Variants in CAMTA1 observed in about 807,000 individuals in gnomAD.
The protein encoded by CAMTA1 is calmodulin binding transcription activator 1, also known as calmodulin-binding transcription activator 1.
In CAMTA1, 27 loss-of-function variants were observed where a neutral mutation model predicts 170.9. The observed-to-expected ratio is 0.16, with a 90% confidence interval of 0.12 to 0.22. The LOEUF (loss-of-function observed/expected upper bound fraction) is 0.22, where lower values mean the gene tolerates loss of function less well. Among genes scored for constraint, CAMTA1 ranks in the 10% least tolerant of loss-of-function variants. The probability of loss-of-function intolerance (pLI) is 1.00; values close to 1 mark genes in which losing one functional copy is unlikely to be tolerated. For synonymous variants in CAMTA1, 833 were observed against 891.5 expected (o/e 0.93, Z 1.17); for missense variants, 1,619 against 2,217.2 (o/e 0.73, Z 5.42).
intron 3 of CAMTA1, among the ~76,000 whole-genome samples, chr1:7,053,641 C>T (rs1261123503): frequency 2.0e-5 from 3 of 152,222 alleles, no homozygotes; most frequent in Non-Finnish European, 4.4e-5. Context: ...TCCCTCACTC[C>T]ACTCTGGGGA....
chr1:7,221,583 G>A (rs574816835), intron 4 of CAMTA1, among the ~76,000 whole-genome samples: 36 of 152,216 alleles, frequency 2.4e-4, no homozygotes, highest in Non-Finnish European at 4.0e-4. Context: ...ACCAGTGAAT[G>A]CGTCGTGAAA....
intron 3 of CAMTA1, among the ~76,000 whole-genome samples, chr1:6,947,070 A>G (rs940243357): frequency 2.6e-5 from 4 of 152,106 alleles, no homozygotes; most frequent in South Asian, 2.1e-4. Flanking sequence ...AAAAGACTCT[A>G]TTTTCCCCCA....
intron 3 of CAMTA1, among the ~76,000 whole-genome samples, chr1:6,992,679 C>T (rs1334959109): frequency 1.3e-5 from 2 of 152,182 alleles, no homozygotes; most frequent in South Asian, 2.1e-4. Flanking sequence ...CTTACATGGC[C>T]AGAGCAGGAG....
intron 3 of CAMTA1, among the ~76,000 whole-genome samples, chr1:6,897,202 G>A (rs1675832224): frequency 6.6e-6 from 1 of 152,196 alleles, no homozygotes; most frequent in African/African-American, 2.4e-5. Flanking sequence ...GCAGAGTCAG[G>A]AAAGGGCCTG....
chr1:7,465,371 T>C (rs1353662492), intron 5 of CAMTA1, among the ~76,000 whole-genome samples: 2 of 152,148 alleles, frequency 1.3e-5, no homozygotes, highest in African/African-American at 4.8e-5. Flanking sequence ...GCTCTTTGTG[T>C]AGCTTTTTTC....
chr1:7,022,859 T>G (rs554707688), intron 3 of CAMTA1, among the ~76,000 whole-genome samples: 1 of 152,292 alleles, frequency 6.6e-6, no homozygotes, highest in South Asian at 2.1e-4. Context: ...TTAGTTATAA[T>G]AGCAACAAAA....
chr1:6,855,471 A>G (rs1237973977), intron 3 of CAMTA1, among the ~76,000 whole-genome samples: 2 of 151,682 alleles, frequency 1.3e-5, no homozygotes, highest in African/African-American at 4.8e-5. Context: ...AGCAAGAGAG[A>G]GAGAGAGGAG....
chr1:7,440,573 G>A (rs941677159), intron 5 of CAMTA1, among the ~76,000 whole-genome samples: 6 of 152,126 alleles, frequency 3.9e-5, no homozygotes, highest in Admixed American at 2.6e-4. Flanking sequence ...AGCATGAGAC[G>A]CACTCCTTTT....
At chr1:7,029,179 T>C (rs1323585374) in intron 3 of CAMTA1, among the ~76,000 whole-genome samples, 4 of 152,170 alleles carry the variant, frequency 2.6e-5, no homozygotes, top group Non-Finnish European at 5.9e-5. Flanking sequence ...TCATTGCTCT[T>C]ATGAGCACCA....
chr1:7,181,529 T>C (rs974646473), intron 4 of CAMTA1, among the ~76,000 whole-genome samples: 3 of 152,160 alleles, frequency 2.0e-5, no homozygotes, highest in African/African-American at 4.8e-5. Context: ...ATAAAATCAT[T>C]ATGGTAGCAG....
rs1351008818 is a variant in CAMTA1 at position 7,325,400 on chromosome 1, G to GT, written c.438+75774_438+75775insT. The stretch of plus-strand genomic sequence containing the variant: ...GGAAGAAGCCATGTCTGCCTGGGAG[G>GT]GGAAACACTGAGGTGGAGGGACAGC... On this transcript the variant is annotated intron_variant, in intron 5 of 22. Transcript: ENST00000303635. This position sits in a 1 kb window ranked among gnomAD's most constrained non-coding sequence, Gnocchi z 5.0. Among the ~76,000 whole-genome samples the GT allele has an allele frequency of 6.6e-6, 1 of 152,156 alleles. No individual in the cohort carries two copies. Among genetic ancestry groups the GT allele is most frequent in the East Asian group, 1.9e-4 (1 of 5,192 alleles).
At chr1:7,720,420 C>T (rs2096641956) in intron 11 of CAMTA1, among the ~76,000 whole-genome samples, 1 of 152,040 alleles carries the variant, frequency 6.6e-6, no homozygotes, top group African/African-American at 2.4e-5. Context: ...CTCACTTTGT[C>T]GCCCAGGCTG....
intron 11 of CAMTA1, among the ~76,000 whole-genome samples, chr1:7,705,938 C>T (rs1437544884): frequency 6.6e-6 from 1 of 152,090 alleles, no homozygotes; most frequent in Non-Finnish European, 1.5e-5. Flanking sequence ...TTTGCATTTT[C>T]GGAGCTCTGG....
At chr1:7,085,647 G>A (rs907135103) in intron 3 of CAMTA1, among the ~76,000 whole-genome samples, 1 of 152,284 alleles carries the variant, frequency 6.6e-6, no homozygotes, top group Non-Finnish European at 1.5e-5. Flanking sequence ...GACAGGTTAT[G>A]TGGGCAGAGC....
chr1:7,320,934 G>A (rs978312741), intron 5 of CAMTA1, among the ~76,000 whole-genome samples: 1 of 152,142 alleles, frequency 6.6e-6, no homozygotes, highest in Middle Eastern at 3.4e-3. Context: ...TGACACCTGG[G>A]GTCTCTGAGT....
intron 3 of CAMTA1, among the ~76,000 whole-genome samples, chr1:6,935,658 G>A (rs1685179889): frequency 6.6e-6 from 1 of 152,220 alleles, no homozygotes; most frequent in Non-Finnish European, 1.5e-5. Context: ...TCAGCTCTGG[G>A]ATTTGGCTTT....
chr1:7,338,338 C>T (rs996869933), intron 5 of CAMTA1, among the ~76,000 whole-genome samples: 1 of 152,174 alleles, frequency 6.6e-6, no homozygotes, highest in African/African-American at 2.4e-5. Flanking sequence ...GAAGGCTACT[C>T]ATGTAGGGCC....
intron 4 of CAMTA1, among the ~76,000 whole-genome samples, chr1:7,157,845 G>A (rs1393779434): frequency 6.6e-6 from 1 of 152,118 alleles, no homozygotes; most frequent in East Asian, 1.9e-4. Flanking sequence ...ACAACAGAAT[G>A]CTGCCCTGCA....
intron 6 of CAMTA1, among the ~76,000 whole-genome samples, chr1:7,470,201 G>A (rs1256427930): frequency 2.0e-5 from 3 of 152,162 alleles, no homozygotes; most frequent in Non-Finnish European, 4.4e-5. Flanking sequence ...CACAGGTGTA[G>A]GGGGTTCCTG....
Sources: allele counts gnomAD v4.1 joint callset (sites outside exome capture counted in the v4.1 genomes callset), GRCh38; gene constraint gnomAD v4.1.1; non-coding constraint Gnocchi (gnomAD v3.1); transcripts MANE v1.5; gene names NCBI Gene and HGNC (gene_info 2026-07-23, HGNC 2026-07-21).